DMD: variants seen among roughly 807,000 people sequenced by gnomAD.
The protein encoded by DMD is dystrophin.
Under a neutral mutation model 330.1 loss-of-function variants are expected in DMD, and 63 were observed. The ratio of observed to expected loss-of-function variants is 0.19; its 90% CI spans 0.16 to 0.24. The LOEUF (loss-of-function observed/expected upper bound fraction) is 0.24, where lower values mean the gene tolerates loss of function less well. Ranked by LOEUF, DMD falls within the 10% of genes least tolerant of loss-of-function variation. The pLI, the probability that DMD is intolerant of heterozygous loss-of-function variation, is 1.00. For synonymous variants in DMD, 1,223 were observed against 959.8 expected, an observed-to-expected ratio of 1.27 and a Z score of -5.07; for missense variants, 3,344 against 2,684.1, an observed-to-expected ratio of 1.25 and a Z score of -5.43.
At chrX:32,849,177 CT>C (rs1318361992) in intron 3 of DMD, among the ~76,000 whole-genome samples, 2 of 111,551 alleles carry the variant, frequency 1.8e-5, no homozygotes, top group African/African-American at 3.3e-5. Context: ...AATTTGAGTT[CT>C]TTCCCCCCCC....
At chrX:31,730,658 T>C (rs751741167) in intron 51 of DMD, among the ~76,000 whole-genome samples, 1 of 111,716 alleles carries the variant, frequency 9.0e-6, no homozygotes, top group South Asian at 3.7e-4. Context: ...TCTGACTAGC[T>C]CTGGTTCTAA....
At chrX:32,246,853 A>G (rs2097240810) in intron 43 of DMD, among the ~76,000 whole-genome samples, 1 of 111,097 alleles carries the variant, frequency 9.0e-6, no homozygotes, top group Non-Finnish European at 1.9e-5. Context: ...ATCATGGCTC[A>G]CAACCAGCAC....
intron 1 of DMD, among the ~76,000 whole-genome samples, chrX:33,253,518 CA>C (rs1314639398): frequency 9.0e-6 from 1 of 111,113 alleles, no homozygotes; most frequent in African/African-American, 3.3e-5. Context: ...TAGAGTCAAA[CA>C]AAAAAATTTC....
In DMD at chrX:32,614,373, G is replaced by T. The variant is rs201058100; in HGVS notation, c.1412C>A (p.Thr471Lys). ...NDWLTKTEER[T>K]RKMEEEPLGP... ...AAGAGGCTCTTCCTCCATTTTCCTT[G>T]TTCTTTCTTCTGTTTTTGTTAGCCA... The change falls in exon 12 of 79, where the codon ACA becomes AAA. Residue 471 changes from threonine to lysine, a missense_variant. Coordinates refer to ENST00000357033, the MANE Select transcript of DMD (RefSeq NM_004006.3). The T allele has an allele frequency of 2.0e-5, 24 of 1,205,189 alleles. No individual in the cohort carries two copies. The highest frequency in any genetic ancestry group is 2.7e-5 in the Non-Finnish European group (24 of 892,603).
intron 1 of DMD, among the ~76,000 whole-genome samples, chrX:33,304,540 G>A (rs1447169069): frequency 3.6e-5 from 4 of 110,599 alleles, no homozygotes; most frequent in Non-Finnish European, 5.7e-5. Context: ...CAAAAGCAAT[G>A]GCAACAAAAG....
chrX:32,091,882 AG>A (rs1379176889), intron 44 of DMD, among the ~76,000 whole-genome samples: 1 of 111,690 alleles, frequency 9.0e-6, no homozygotes, highest in Non-Finnish European at 1.9e-5. Flanking sequence ...AATATTTCTG[AG>A]GCATAACTGT....
rs576532755 is a variant in DMD, at chrX:32,455,173, T to A, written c.3433-341A>T. Among the ~76,000 whole-genome samples the A allele has an allele frequency of 3.6e-5, 4 of 111,619 alleles. No homozygotes were observed. The South Asian group carries it at 1.1e-3, about 30-fold the overall frequency. On this transcript the variant is annotated intron_variant, in intron 25 of 78. Coordinates refer to ENST00000357033, the MANE Select transcript of DMD (RefSeq NM_004006.3). ...AGTTGGAAAAGTAATTTTATTGGCA[T>A]ACATAGAAATAGTTATTCTTTGTGT...
intron 1 of DMD, among the ~76,000 whole-genome samples, chrX:33,034,636 T>G (rs1330724874): frequency 8.9e-6 from 1 of 112,321 alleles, no homozygotes; most frequent in Non-Finnish European, 1.9e-5. Context: ...CCGCCAGTTC[T>G]AAAACTCTAT....
At chrX:32,701,610 C>T (rs886454041) in intron 7 of DMD, among the ~76,000 whole-genome samples, 11 of 111,189 alleles carry the variant, frequency 9.9e-5, no homozygotes, top group Non-Finnish European at 1.9e-5. Context: ...AGTAACTAGT[C>T]AGCTGTACCT....
Position 32,470,813 on chromosome X carries a change from A to C in DMD, c.2949+1351T>G, listed in dbSNP as rs777394293. On this transcript the variant is annotated intron_variant, in intron 22 of 78. Transcript: ENST00000357033. ...ATTTTTCTTTGAATACATTACTTCA[A>C]AAAAATATTTAATTATCCAAAAAAA... Among the ~76,000 whole-genome samples, 47 of 112,309 alleles carry C rather than the reference A, an allele frequency of 4.2e-4. No homozygotes were observed. The East Asian group carries it at 0.013, about 31-fold the overall frequency.
intron 7 of DMD, among the ~76,000 whole-genome samples, chrX:32,787,254 G>C (rs2075455282): frequency 1.9e-5 from 2 of 106,397 alleles, no homozygotes; most frequent in African/African-American, 7.1e-5. Context: ...GTGTGAGAGA[G>C]AGAGAGAGAG....
intron 11 of DMD, among the ~76,000 whole-genome samples, chrX:32,616,690 C>CTTTTTT (rs1173392895): frequency 8.8e-4 from 53 of 60,208 alleles, no homozygotes; most frequent in African/African-American, 1.8e-3. Context: ...GTTCTGGTTC[C>CTTTTTT]TTTTTTTTTT....
chrX:32,936,773 G>T (rs1190665901), intron 2 of DMD, among the ~76,000 whole-genome samples: 1 of 111,688 alleles, frequency 9.0e-6, no homozygotes, highest in Non-Finnish European at 1.9e-5. Flanking sequence ...ATCCTGAAAT[G>T]TTACCTAGAA....
intron 55 of DMD, among the ~76,000 whole-genome samples, chrX:31,601,162 T>C (rs2077350201): frequency 8.9e-6 from 1 of 112,319 alleles, no homozygotes; most frequent in Admixed American, 9.4e-5. Context: ...CGATGTTGAT[T>C]GCTATCATTT....
chrX:33,224,517 G>A (rs1212192872), intron 1 of DMD, among the ~76,000 whole-genome samples: 1 of 111,777 alleles, frequency 8.9e-6, no homozygotes, highest in Non-Finnish European at 1.9e-5. Context: ...ATCCAGGAAA[G>A]GTAAAATTAT....
upstream of DMD, among the ~76,000 whole-genome samples, chrX:33,214,354 T>C (rs749279522): frequency 1.8e-5 from 2 of 111,663 alleles, no homozygotes; most frequent in African/African-American, 3.2e-5. Context: ...CTACAGAATA[T>C]CTTTCAGGTA....
intron 60 of DMD, among the ~76,000 whole-genome samples, chrX:31,356,125 G>A (rs1264311997): frequency 9.0e-6 from 1 of 111,481 alleles, no homozygotes; most frequent in Non-Finnish European, 1.9e-5. Flanking sequence ...TGTTTCTTGC[G>A]TTTGACTTCA....
chrX:32,052,666 C>G (rs1178768581), intron 44 of DMD, among the ~76,000 whole-genome samples: 1 of 111,412 alleles, frequency 9.0e-6, no homozygotes, highest in Admixed American at 9.6e-5. Flanking sequence ...AGTCAGATTT[C>G]ATTAGTTTAG....
chrX:32,243,930 T>C (rs940501516), intron 43 of DMD, among the ~76,000 whole-genome samples: 12 of 99,955 alleles, frequency 1.2e-4, no homozygotes, highest in Non-Finnish European at 2.0e-4. Context: ...TGCATTTGTA[T>C]GAAAATTCTA....
Sources: allele counts gnomAD v4.1 joint callset (sites outside exome capture counted in the v4.1 genomes callset), GRCh38; gene constraint gnomAD v4.1.1; transcripts MANE v1.5; gene names NCBI Gene and HGNC (gene_info 2026-07-23, HGNC 2026-07-21).